The following CAMTA1 variants were observed in gnomAD, a reference collection of about 807,000 sequenced individuals.
CAMTA1 encodes calmodulin-binding transcription activator 1.
A neutral mutation model predicts 170.9 loss-of-function variants in CAMTA1; 27 were observed. That is an observed-to-expected ratio of 0.16 (90% CI 0.12 to 0.22). The LOEUF is 0.22. Ranked by LOEUF, CAMTA1 falls within the 10% of genes least tolerant of loss-of-function variation. The pLI is 1.00. For synonymous variants in CAMTA1, 833 were observed against 891.5 expected, an observed-to-expected ratio of 0.93 and a Z score of 1.17; for missense variants, 1,619 against 2,217.2, an observed-to-expected ratio of 0.73 and a Z score of 5.42.
chr1:7,049,465 T>A (rs1044441132), intron 3 of CAMTA1, among the ~76,000 whole-genome samples: 1 of 152,174 alleles, frequency 6.6e-6, no homozygotes, highest in African/African-American at 2.4e-5. Flanking sequence ...TTTGTTTGTT[T>A]TTTTGTTTTG....
At chr1:7,361,927 T>A (rs1043127304) in intron 5 of CAMTA1, among the ~76,000 whole-genome samples, 13 of 152,348 alleles carry the variant, frequency 8.5e-5, no homozygotes, top group South Asian at 4.2e-4. Flanking sequence ...CCTTCTGGGG[T>A]CCTCTTTGAA....
chr1:7,367,705 T>G (rs1416086867), intron 5 of CAMTA1, among the ~76,000 whole-genome samples: 1 of 152,264 alleles, frequency 6.6e-6, no homozygotes, highest in African/African-American at 2.4e-5. Flanking sequence ...AATACCACGA[T>G]AGATGTCATT....
chr1:7,043,207 T>C (rs865878300), intron 3 of CAMTA1, among the ~76,000 whole-genome samples: 1 of 152,306 alleles, frequency 6.6e-6, no homozygotes, highest in Middle Eastern at 3.4e-3. Flanking sequence ...CATCGGGGCC[T>C]CACTCAGAGG....
chr1:7,508,701 G>A (rs2094156978), intron 6 of CAMTA1, among the ~76,000 whole-genome samples: 1 of 151,942 alleles, frequency 6.6e-6, no homozygotes, highest in African/African-American at 2.4e-5. Context: ...AAGAATGGAA[G>A]GAGGTTAGGA....
At chr1:7,116,685 T>C (rs887077405) in intron 4 of CAMTA1, among the ~76,000 whole-genome samples, 6 of 151,524 alleles carry the variant, frequency 4.0e-5, no homozygotes, top group African/African-American at 1.5e-4. Context: ...TCTCTCTCTG[T>C]CTCCCAGGCT....
rs369961391 is a variant in CAMTA1 at position 7,134,204 on chromosome 1, T to C, written c.302+42833T>C. 1.5e-3 allele frequency among the ~76,000 whole-genome samples: 231 copies of C among 152,352 alleles called. 3 individuals carry two copies. In the South Asian group the frequency reaches 0.027, roughly 18 times the overall value. On this transcript the variant is annotated intron_variant, in intron 4 of 22. Coordinates refer to ENST00000303635, the MANE Select transcript of CAMTA1 (RefSeq NM_015215.4). ...CATAGGATTATGACCTCCACCTGCA[T>C]CCATGTTGCTCCAAAGGACATGATT...
chr1:6,797,955 T>TCTATAAAAGAATCTATTTG (rs1642926481), intron 1 of CAMTA1, among the ~76,000 whole-genome samples: 3 of 151,450 alleles, frequency 2.0e-5, no homozygotes, highest in Admixed American at 2.0e-4. Flanking sequence ...AAATATAATT[T>TCTATAAAAGAATCTATTTG]CTATAAAAGA....
At chr1:7,204,064 TC>T (rs1449379553) in intron 4 of CAMTA1, among the ~76,000 whole-genome samples, 2 of 151,972 alleles carry the variant, frequency 1.3e-5, no homozygotes, top group African/African-American at 4.8e-5. Context: ...GGTCTCGATC[TC>T]CTGACCTCGT....
intron 5 of CAMTA1, among the ~76,000 whole-genome samples, chr1:7,359,222 G>A (rs1024444871): frequency 5.5e-5 from 8 of 144,714 alleles, no homozygotes; most frequent in African/African-American, 2.0e-4. Context: ...GAGACCCAGG[G>A]GTCAGTGGGG....
At chr1:7,346,192 C>T (rs1479717025) in intron 5 of CAMTA1, among the ~76,000 whole-genome samples, 1 of 152,174 alleles carries the variant, frequency 6.6e-6, no homozygotes, top group African/African-American at 2.4e-5. Context: ...AAGCTATGAA[C>T]TGAGAAGAGA....
At chr1:7,039,838 T>C (rs1366862721) in intron 3 of CAMTA1, among the ~76,000 whole-genome samples, 2 of 152,150 alleles carry the variant, frequency 1.3e-5, no homozygotes, top group Non-Finnish European at 2.9e-5. Flanking sequence ...TTACATATAA[T>C]TTACTTTCCT....
At chr1:6,867,124 C>T (rs1422612343) in intron 3 of CAMTA1, among the ~76,000 whole-genome samples, 1 of 152,196 alleles carries the variant, frequency 6.6e-6, no homozygotes, top group Non-Finnish European at 1.5e-5. Flanking sequence ...TGCAAGTGTG[C>T]ATCTGTATAC....
intron 5 of CAMTA1, among the ~76,000 whole-genome samples, chr1:7,380,893 G>T (rs1051688476): frequency 9.2e-5 from 14 of 152,186 alleles, no homozygotes; most frequent in African/African-American, 3.1e-4. Context: ...CAGTGGCCAC[G>T]GGACAATGAG....
chr1:6,919,209 C>T (rs1267441166), intron 3 of CAMTA1, among the ~76,000 whole-genome samples: 1 of 152,224 alleles, frequency 6.6e-6, no homozygotes, highest in African/African-American at 2.4e-5. Context: ...ATTTTTTGCT[C>T]AGGTTTGAAG....
At chr1:6,961,225 C>G (rs1690341732) in intron 3 of CAMTA1, among the ~76,000 whole-genome samples, 1 of 152,204 alleles carries the variant, frequency 6.6e-6, no homozygotes, top group Non-Finnish European at 1.5e-5. Flanking sequence ...GAAACCAACT[C>G]TAGCTAAATT....
intron 1 of CAMTA1, among the ~76,000 whole-genome samples, chr1:6,804,161 G>C (rs1404956636): frequency 6.6e-6 from 1 of 151,010 alleles, no homozygotes; most frequent in Non-Finnish European, 1.5e-5. Flanking sequence ...TCCAGCCTGG[G>C]AAACGAGCGA....
chr1:7,553,227 A>G (rs1168199645), intron 6 of CAMTA1, among the ~76,000 whole-genome samples: 35 of 13,066 alleles, frequency 2.7e-3, no homozygotes, highest in African/African-American at 0.025. Flanking sequence ...GAGTGAATGA[A>G]TGAGGGAATG....
At chr1:7,153,257 C>T (rs1646680115) in intron 4 of CAMTA1, among the ~76,000 whole-genome samples, 1 of 152,120 alleles carries the variant, frequency 6.6e-6, no homozygotes, top group African/African-American at 2.4e-5. Context: ...ACTTAGGAAA[C>T]TTGGTTGCCT....
At chr1:6,805,677 A>G (rs578107971) in intron 1 of CAMTA1, among the ~76,000 whole-genome samples, 1 of 152,148 alleles carries the variant, frequency 6.6e-6, no homozygotes, top group Non-Finnish European at 1.5e-5. Flanking sequence ...GCTAATTTAG[A>G]AATTTTTTAA....
Sources: gnomAD v4.1 joint callset for allele counts (sites outside exome capture counted in the v4.1 genomes callset) on GRCh38, gnomAD v4.1.1 for gene constraint, MANE v1.5 for transcripts, NCBI Gene and HGNC (gene_info 2026-07-23, HGNC 2026-07-21) for gene names.